NME8: variants seen among roughly 807,000 people sequenced by gnomAD.
The protein encoded by NME8 is NME/NM23 family member 8.
A neutral mutation model predicts 82.3 loss-of-function variants in NME8; 72 were observed. The observed-to-expected ratio is 0.87, with a 90% CI of 0.72 to 1.06. The LOEUF (loss-of-function observed/expected upper bound fraction) is 1.06. NME8 is among the 50% of genes least tolerant of loss of function. The pLI, the probability that NME8 is intolerant of heterozygous loss-of-function variation, is 0.00. For synonymous variants in NME8, 267 were observed against 228.5 expected, an observed-to-expected ratio of 1.17 and a Z score of -1.52; for missense variants, 712 against 685.4, an observed-to-expected ratio of 1.04 and a Z score of -0.43.
intron 12 of NME8, among the ~76,000 whole-genome samples, chr7:37,880,845 T>G (rs966334999): frequency 6.6e-6 from 1 of 152,186 alleles, no homozygotes; most frequent in Non-Finnish European, 1.5e-5. Context: ...ATTTAGATTC[T>G]TTACATATTT....
chr7:37,858,633 C>T (rs890878489), intron 6 of NME8, among the ~76,000 whole-genome samples: 1 of 151,860 alleles, frequency 6.6e-6, no homozygotes, highest in African/African-American at 2.4e-5. Flanking sequence ...GCAGAATGGG[C>T]TTGGGGGGCT....
chr7:37,891,523 T>A (rs1438420697), intron 15 of NME8, among the ~76,000 whole-genome samples: 1 of 152,064 alleles, frequency 6.6e-6, no homozygotes, highest in East Asian at 1.9e-4. Flanking sequence ...TTACTTTACA[T>A]GTTATTTTTC....
chr7:37,859,601 C>G (rs2131945191), intron 6 of NME8, among the ~76,000 whole-genome samples: 1 of 152,302 alleles, frequency 6.6e-6, no homozygotes, highest in Non-Finnish European at 1.5e-5. Context: ...TACTAGAGGT[C>G]TGTTTCACGT....
At chr7:37,856,204 C>CA (rs1784508928) in intron 5 of NME8, among the ~76,000 whole-genome samples, 1 of 152,120 alleles carries the variant, frequency 6.6e-6, no homozygotes, top group East Asian at 1.9e-4. Flanking sequence ...TTACAAAAAC[C>CA]AACTGTTATA....
intron 12 of NME8, among the ~76,000 whole-genome samples, chr7:37,883,783 G>C (rs1784999649): frequency 6.6e-6 from 1 of 152,212 alleles, no homozygotes; most frequent in Non-Finnish European, 1.5e-5. Flanking sequence ...GTGAGTATTG[G>C]ATTTTCTAGG....
chr7:37,875,418 A>ACC (rs1491405136), intron 11 of NME8, among the ~76,000 whole-genome samples: 1 of 151,876 alleles, frequency 6.6e-6, no homozygotes, highest in Admixed American at 6.6e-5. Context: ...ACACACACAC[A>ACC]CCCACACAGC....
At position 37,863,000 on chromosome 7, in the gene NME8, A is replaced by T. The variant is rs555197294; in HGVS notation, c.388-396A>T. Among the ~76,000 whole-genome samples the T allele has an allele frequency of 2.6e-5, 4 of 152,148 alleles. No individual in the cohort carries two copies. The East Asian group carries it at 5.8e-4, about 22-fold the overall frequency. On this transcript the variant is annotated intron_variant, in intron 7 of 17. Coordinates refer to ENST00000199447, the MANE Select transcript of NME8 (RefSeq NM_016616.5). The stretch of plus-strand genomic sequence containing the variant: ...CCGGGCATGGTGGCAGGTGCCTGTA[A>T]TCCCAGCTATTCGGGAGACTGAGGC...
At chr7:37,890,912 A>T (rs972188443) in intron 15 of NME8, among the ~76,000 whole-genome samples, 1 of 151,976 alleles carries the variant, frequency 6.6e-6, no homozygotes, top group African/African-American at 2.4e-5. Flanking sequence ...TAAACATGTG[A>T]GTACAGATAT....
chr7:37,887,536 T>C (rs1236939825), intron 14 of NME8, among the ~76,000 whole-genome samples: 1 of 152,172 alleles, frequency 6.6e-6, no homozygotes, highest in East Asian at 1.9e-4. Flanking sequence ...TTGTTGTATT[T>C]ATATTTGAGA....
intron 10 of NME8, among the ~76,000 whole-genome samples, chr7:37,866,032 A>G (rs959123882): frequency 1.3e-5 from 2 of 151,778 alleles, no homozygotes; most frequent in East Asian, 3.9e-4. Flanking sequence ...CCCGACCCCA[A>G]CTGCCCCACT....
At chr7:37,849,887 A>C (rs1321522988) in intron 2 of NME8, among the ~76,000 whole-genome samples, 2 of 146,488 alleles carry the variant, frequency 1.4e-5, no homozygotes, top group African/African-American at 2.5e-5. Flanking sequence ...AAAAAAAAAA[A>C]AAAGAACAAT....
Position 37,863,379 on chromosome 7 carries a change from G to T in NME8, c.388-17G>T, listed in dbSNP as rs776582286. 1.4e-6 allele frequency: 2 copies of T among 1,479,970 alleles called. No individual in the cohort carries two copies. Among genetic ancestry groups the T allele is most frequent in the Non-Finnish European group, 1.9e-6 (2 of 1,058,502 alleles). The allele number at this position is 1,479,970 out of a possible 1,614,324, so 91.7% of individuals were successfully genotyped here. ...AACATAACTGTGTTATCTTTGCATT[G>T]CATTTCTTTTTCATAGTATCCTGAA... On this transcript the variant is annotated splice_polypyrimidine_tract_variant and intron_variant, in intron 7 of 17. Coordinates refer to ENST00000199447, the MANE Select transcript of NME8 (RefSeq NM_016616.5).
chr7:37,896,937 C>G lies in NME8; in HGVS notation c.1612C>G (p.Pro538Ala). ...AVAEWRRLMG[P>A]TDPEEAKLLS... ...TGCAGAATGGAGACGATTGATGGGC[C>G]CAACAGACCCAGAAGAAGCAAAATT... Residue 538 changes from proline to alanine, a missense_variant, in exon 17 of 18, where the codon CCA becomes GCA. By Grantham distance (27) the Pro-to-Ala change is conservative. Coordinates refer to ENST00000199447, the MANE Select transcript of NME8 (RefSeq NM_016616.5). 6.2e-7 allele frequency: 1 copy of G among 1,613,758 alleles called. No individual in the cohort carries two copies. The highest frequency in any genetic ancestry group is 8.5e-7 in the Non-Finnish European group (1 of 1,179,846).
Position 37,851,963 on chromosome 7 carries a change from A to G in NME8, c.198+1228A>G, listed in dbSNP as rs921690153. Among the ~76,000 whole-genome samples the G allele has an allele frequency of 7.9e-5, 12 of 152,126 alleles. No individual in the cohort carries two copies. The East Asian group carries it at 2.3e-3, about 29-fold the overall frequency. On this transcript the variant is annotated intron_variant, in intron 5 of 17. Transcript: ENST00000199447. ...ACTATCCATCCCCTTCTTTAAATGC[A>G]TTTTCCATAGGACTTATTTTCCTTA...
chr7:37,882,597 A>AAGAGAGAGAGAG (rs772102601), intron 12 of NME8, among the ~76,000 whole-genome samples: 15 of 82,990 alleles, frequency 1.8e-4, no homozygotes, highest in Admixed American at 4.6e-4. Flanking sequence ...GAAAGAAAGA[A>AAGAGAGAGAGAG]AGAGAGAGAG....
rs139516225 is a variant in NME8 at position 37,867,819 on chromosome 7, G to A, written c.739G>A (p.Glu247Lys). 1,114 of 1,613,842 alleles carry A rather than the reference G, an allele frequency of 6.9e-4. 9 individuals are homozygous for A. The African/African-American group carries it at 0.013, about 19-fold the overall frequency. ...SEETEPQTDT[E>K]PNERSEDQPE... Reference sequence around the variant, plus strand: ...AGAAACCGAACCACAGACTGACACCGAACCTAACGAACGATCTGAGGATCA... The same window carrying A: ...AGAAACCGAACCACAGACTGACACCAAACCTAACGAACGATCTGAGGATCA... Residue 247 changes from glutamate to lysine, a missense_variant, in exon 11 of 18, where the codon GAA (glutamate) becomes AAA (lysine). Physicochemically the swap from Glu to Lys is moderately conservative, Grantham distance 56. Coordinates refer to ENST00000199447, the MANE Select transcript of NME8 (RefSeq NM_016616.5).
chr7:37,887,016 C>T (rs1338315830), intron 14 of NME8, among the ~76,000 whole-genome samples: 2 of 152,074 alleles, frequency 1.3e-5, no homozygotes. Context: ...TTATTCACCA[C>T]AGCTGGAATT....
rs776995548 is a variant in NME8, at chr7:37,897,953, A to G, written c.*15+846A>G. Among the ~76,000 whole-genome samples, 9 of 152,190 alleles carry G rather than the reference A, an allele frequency of 5.9e-5. 1 individual carries two copies. Among genetic ancestry groups the G allele is most frequent in the Admixed American group, 2.0e-4 (3 of 15,272 alleles). On this transcript the variant is annotated intron_variant, in intron 17 of 17. Coordinates refer to ENST00000199447, the MANE Select transcript of NME8 (RefSeq NM_016616.5). ...CTTTGCTATTGTAAATATTGCTGCA[A>G]TAAACATATGTGTGCATGTGTCTTT...
chr7:37,888,057 G>T (rs978365396), intron 14 of NME8, among the ~76,000 whole-genome samples: 2 of 152,188 alleles, frequency 1.3e-5, no homozygotes, highest in Non-Finnish European at 2.9e-5. Flanking sequence ...AATATTCATC[G>T]CCTTGATGAT....
Sources: gnomAD v4.1 joint callset for allele counts (sites outside exome capture counted in the v4.1 genomes callset) on GRCh38, gnomAD v4.1.1 for gene constraint, MANE v1.5 for transcripts, NCBI Gene and HGNC (gene_info 2026-07-23, HGNC 2026-07-21) for gene names.